RPS6: variants seen among roughly 807,000 people sequenced by gnomAD.
RPS6 encodes the protein ribosomal protein S6.
A neutral mutation model predicts 27.1 loss-of-function variants in RPS6; 1 was observed. The ratio of observed to expected loss-of-function variants is 0.04; its 90% confidence interval spans 0.01 to 0.18. RPS6 has a LOEUF of 0.18. Among genes scored for constraint, RPS6 ranks in the 10% least tolerant of loss-of-function variants. The pLI is 1.00. For synonymous variants in RPS6, 152 were observed against 106.0 expected (o/e 1.43, Z -2.66); for missense variants, 259 against 319.1 (o/e 0.81, Z 1.44).
Position 19,376,057 on chromosome 9 carries a change from G to C in RPS6, c.*236C>G. 1 of 417,750 alleles carries C rather than the reference G, an allele frequency of 2.4e-6. No homozygotes were observed. The highest frequency in any genetic ancestry group is 4.3e-6 in the Non-Finnish European group (1 of 233,822). 25.9% of individuals were successfully genotyped at this position (417,750 alleles called of 1,614,324 possible). A position where few individuals can be genotyped will look rare whatever the true frequency, so the allele number is the denominator to read the frequency against. On this transcript the variant is annotated 3_prime_UTR_variant, in exon 6 of 6. Transcript: ENST00000380394. ...CATTCTGAAGAGGCAGGTGTCTTAT[G>C]CTCAGAATCCCTTCCTGTGCCACCC...
intron 2 of RPS6, 87 bp from the exon 3 acceptor site, chr9:19,379,005 A>T (rs183760715): frequency 4.8e-6 from 6 of 1,252,572 alleles, no homozygotes; most frequent in Non-Finnish European, 1.1e-6. Context: ...GAACACACCT[A>T]TATGAGAAAG....
chr9:19,377,414 A>G (rs1214324372), intron 4 of RPS6, among the ~76,000 whole-genome samples: 1 of 145,864 alleles, frequency 6.9e-6, no homozygotes, highest in Admixed American at 6.7e-5. Flanking sequence ...TTTTTGCAAC[A>G]TCAGCTTCAT....
At chr9:19,378,603 A>T (rs1287400332) in intron 3 of RPS6, 89 bp from the exon 4 acceptor site, 1 of 1,575,418 alleles carries the variant, frequency 6.3e-7, no homozygotes, top group African/African-American at 1.4e-5. Context: ...GATGGTAGAG[A>T]AACAAATCCA....
In RPS6 at chr9:19,376,322, T is replaced by C. The variant is rs756828696; in HGVS notation, c.721A>G (p.Thr241Ala). The C allele has an allele frequency of 6.2e-6, 10 of 1,614,050 alleles. No individual in the cohort carries two copies. In the South Asian group the frequency reaches 7.7e-5, roughly 12 times the overall value. Residue 241 changes from threonine to alanine, a missense_variant, in exon 6 of 6, where the codon ACT (threonine) becomes GCT (alanine). Around this residue, in one of 3 missense-constraint regions of RPS6, gnomAD observed 191 missense variants for 231.6 expected, o/e 0.82. Coordinates refer to ENST00000380394, the MANE Select transcript of RPS6 (RefSeq NM_001010.3). ...TTCTGACTGGATTCAGACTTAGAAGTAGAAGCTCGCAGAGAGGAAAGTCTG... is the reference window on the plus strand; with the variant it reads ...TTCTGACTGGATTCAGACTTAGAAGCAGAAGCTCGCAGAGAGGAAAGTCTG... ...RRRLSSLRAS[T>A]SKSESSQK
intron 1 of RPS6, 77 bp from the exon 2 acceptor site, chr9:19,379,695 C>G (rs182404061): frequency 1.1e-4 from 175 of 1,527,372 alleles, no homozygotes; most frequent in Non-Finnish European, 1.5e-4. Context: ...AAAGTTAATT[C>G]CACTGCAAAA....
rs571250283 is a variant in RPS6, at chr9:19,376,438, G to A, written c.655-50C>T. The A allele has an allele frequency of 1.8e-5, 29 of 1,612,150 alleles. No individual in the cohort carries two copies. In the African/African-American group the frequency reaches 1.9e-4, roughly 10 times the overall value. On this transcript the variant is annotated intron_variant, in intron 5 of 5. Coordinates refer to ENST00000380394, the MANE Select transcript of RPS6 (RefSeq NM_001010.3). ...GTTAAGGCCTTTCTGGGTTAAAGACGCAAATCCAAAGCCAGGTCGAACTCC... is the reference window on the plus strand; with the variant it reads ...GTTAAGGCCTTTCTGGGTTAAAGACACAAATCCAAAGCCAGGTCGAACTCC...
At chr9:19,378,988 C>G in intron 2 of RPS6, 70 bp from the exon 3 acceptor site, 1 of 1,401,396 alleles carries the variant, frequency 7.1e-7, no homozygotes, top group South Asian at 1.2e-5. Context: ...AGGATTGTGA[C>G]CTCTGTGAAC....
chr9:19,379,767 G>C, intron 1 of RPS6, 149 bp from the exon 2 acceptor site: 1 of 1,474,258 alleles, frequency 6.8e-7, no homozygotes, highest in Non-Finnish European at 8.9e-7. Flanking sequence ...CTCACTAAAA[G>C]CACGTGAAAG....
rs747954110 is a variant in RPS6 at position 19,379,634 on chromosome 9, G to C, written c.7-16C>G. 6.2e-6 allele frequency: 10 copies of C among 1,607,064 alleles called. No homozygotes were observed. The highest frequency in any genetic ancestry group is 8.5e-7 in the Non-Finnish European group (1 of 1,176,598). On this transcript the variant is annotated splice_polypyrimidine_tract_variant and intron_variant, in intron 1 of 5. Coordinates refer to ENST00000380394, the MANE Select transcript of RPS6 (RefSeq NM_001010.3). ...AGATGTTCAGCTAAGGATTAAAAGG[G>C]GGGAAATAGTTTACGAAACTATCTA...
intron 2 of RPS6, 93 bp from the exon 3 acceptor site, chr9:19,379,011 G>T (rs115585453): frequency 8.2e-7 from 1 of 1,224,638 alleles, no homozygotes; most frequent in Middle Eastern, 1.9e-4. Flanking sequence ...ACCTATATGA[G>T]AAAGTATAAT....
intron 4 of RPS6, among the ~76,000 whole-genome samples, chr9:19,377,510 G>A (rs554055169): frequency 1.3e-5 from 2 of 151,562 alleles, no homozygotes; most frequent in Non-Finnish European, 1.5e-5. Flanking sequence ...CTTAACAGAC[G>A]TATACTATCT....
chr9:19,380,031 C>CA, intron 1 of RPS6, 159 bp downstream of exon 1: 1 of 1,544,250 alleles, frequency 6.5e-7, no homozygotes. Context: ...TCCGTTCGGC[C>CA]AAAAAGCTCC....
chr9:19,376,445 C>G (rs1829589771), intron 5 of RPS6, 49 bp downstream of exon 5: 1 of 1,612,408 alleles, frequency 6.2e-7, no homozygotes, highest in South Asian at 1.1e-5. Flanking sequence ...GACGCAAATC[C>G]AAAGCCAGGT....
chr9:19,379,918 C>A, intron 1 of RPS6: 2 of 1,430,514 alleles, frequency 1.4e-6, no homozygotes, highest in Non-Finnish European at 1.8e-6. Context: ...GCACCACAGG[C>A]CTGCCGCAAA....
rs1829636678 is a variant in RPS6 at position 19,379,091 on chromosome 9, C to A, written c.139-173G>T. On this transcript the variant is annotated intron_variant, in intron 2 of 5. Transcript: ENST00000380394. Reference sequence around the variant, plus strand: ...AGTTTTGTCTATATTCCCAACTTGTCAAGTTCAATTATCAAATGTCTTTCA... The same window carrying A: ...AGTTTTGTCTATATTCCCAACTTGTAAAGTTCAATTATCAAATGTCTTTCA... 3.8e-6 allele frequency: 3 copies of A among 783,530 alleles called. No individual in the cohort carries two copies. In the South Asian group the frequency reaches 5.8e-5, roughly 15 times the overall value. 48.5% of individuals were successfully genotyped at this position (783,530 alleles called of 1,614,324 possible).
chr9:19,376,866 A>T (rs1414274894), intron 4 of RPS6: 3 of 437,802 alleles, frequency 6.9e-6, no homozygotes, highest in Middle Eastern at 1.3e-3. Context: ...AGGGAAACCA[A>T]GTCCTGAAAA....
rs1481970755 is a variant in RPS6 at position 19,376,584 on chromosome 9, T to A, written c.564A>T (p.Lys188Asn). ...GCTTCTTCAGAGCAATACGCCGCCG[T>A]TTGTGCTGCAGGACACGTGGAGTAA... ...RLVTPRVLQHKRRRIALKKQR... is the reference protein window; with the variant it reads ...RLVTPRVLQHNRRRIALKKQR... Residue 188 changes from lysine to asparagine, a missense_variant, in exon 5 of 6, where the codon AAA (lysine) becomes AAT (asparagine). Lys to Asn is a moderately conservative substitution (Grantham distance 94). Coordinates refer to ENST00000380394, the MANE Select transcript of RPS6 (RefSeq NM_001010.3). The A allele has an allele frequency of 6.2e-7, 1 of 1,614,204 alleles. No homozygotes were observed. Among genetic ancestry groups the A allele is most frequent in the East Asian group, 2.2e-5 (1 of 44,886 alleles).
At position 19,379,710 on chromosome 9, in the gene RPS6, T is replaced by C; in HGVS notation, c.7-92A>G. 2.6e-6 allele frequency: 4 copies of C among 1,516,656 alleles called. No homozygotes were observed. In the East Asian group the frequency reaches 9.0e-5, roughly 34 times the overall value. 93.9% of individuals were successfully genotyped at this position (1,516,656 alleles called of 1,614,324 possible). On this transcript the variant is annotated intron_variant, in intron 1 of 5. Transcript: ENST00000380394. Reference sequence around the variant, plus strand: ...AAAGTTAATTCCACTGCAAAAAGCCTTTCATGTTGCCTCCACACAAGCAGG... The same window carrying C: ...AAAGTTAATTCCACTGCAAAAAGCCCTTCATGTTGCCTCCACACAAGCAGG...
chr9:19,378,188 A>G (rs1829621661), intron 4 of RPS6, among the ~76,000 whole-genome samples, 180 bp downstream of exon 4: 1 of 152,204 alleles, frequency 6.6e-6, no homozygotes, highest in Admixed American at 6.5e-5. Flanking sequence ...GGCACTGGAT[A>G]TAATAAGCAA....
Sources: allele counts gnomAD v4.1 joint callset (sites outside exome capture counted in the v4.1 genomes callset), GRCh38; gene constraint gnomAD v4.1.1; regional missense constraint gnomAD v4.1.1; transcripts MANE v1.5; gene names NCBI Gene and HGNC (gene_info 2026-07-23, HGNC 2026-07-21).